Variants in DCC observed in about 807,000 individuals in gnomAD.
DCC encodes netrin receptor DCC.
DCC carries 58 observed loss-of-function variants against 172.5 expected under a neutral mutation model. The ratio of observed to expected loss-of-function variants is 0.34; its 90% CI spans 0.27 to 0.42. DCC has a LOEUF of 0.42. Among genes scored for constraint, DCC ranks in the 10% least tolerant of loss-of-function variants. The pLI, the probability that DCC is intolerant of heterozygous loss-of-function variation, is 1.00. For synonymous variants in DCC, 709 were observed against 644.5 expected, an observed-to-expected ratio of 1.10 and a Z score of -1.52; for missense variants, 1,740 against 1,791.0, an observed-to-expected ratio of 0.97 and a Z score of 0.51.
chr18:53,158,435 G>T (rs146748881), intron 8 of DCC, among the ~76,000 whole-genome samples: 1 of 152,120 alleles, frequency 6.6e-6, no homozygotes, highest in Non-Finnish European at 1.5e-5. Flanking sequence ...GGAGAAGCAG[G>T]GATTCATGTC....
chr18:53,397,139 G>A (rs558972997), intron 17 of DCC, among the ~76,000 whole-genome samples, 169 bp from the exon 18 acceptor site: 11 of 151,916 alleles, frequency 7.2e-5, no homozygotes, highest in Non-Finnish European at 1.0e-4. Context: ...ATCAGCCAGC[G>A]TGAACTGGTT....
intron 1 of DCC, among the ~76,000 whole-genome samples, chr18:52,443,812 A>G (rs1988041704): frequency 6.6e-6 from 1 of 152,188 alleles, no homozygotes; most frequent in South Asian, 2.1e-4. Context: ...AAATGGGTGA[A>G]GTCATCCCAT....
chr18:53,525,030 C>T (rs1414840050), intron 27 of DCC, among the ~76,000 whole-genome samples: 1 of 151,994 alleles, frequency 6.6e-6, no homozygotes, highest in Non-Finnish European at 1.5e-5. Flanking sequence ...CACCAACTCC[C>T]AGGCAACTTT....
chr18:52,678,856 C>G (rs1180748611), intron 1 of DCC, among the ~76,000 whole-genome samples: 1 of 152,080 alleles, frequency 6.6e-6, no homozygotes, highest in Non-Finnish European at 1.5e-5. Context: ...TCGCCCCATC[C>G]TTTTTGCCCA....
chr18:52,602,555 T>G (rs1012033605), intron 1 of DCC, among the ~76,000 whole-genome samples: 1 of 152,062 alleles, frequency 6.6e-6, no homozygotes. Flanking sequence ...TTAATAAATT[T>G]TGTGCATAAT....
At position 53,463,026 on chromosome 18, in the gene DCC, T is replaced by C. The variant is rs564658050; in HGVS notation, c.3619+3568T>C. On this transcript the variant is annotated intron_variant, in intron 24 of 28. Coordinates refer to ENST00000442544, the MANE Select transcript of DCC (RefSeq NM_005215.4). The stretch of plus-strand genomic sequence containing the variant: ...CAGCAAGCCCACTGCCTAAACAGGC[T>C]TTCGCCTGGGGAGTGACAGAAAACA... Among the ~76,000 whole-genome samples, 10 of 152,362 alleles carry C rather than the reference T, an allele frequency of 6.6e-5. No individual in the cohort carries two copies. In the East Asian group the frequency reaches 1.7e-3, roughly 26 times the overall value.
intron 1 of DCC, among the ~76,000 whole-genome samples, chr18:52,546,164 A>G (rs1355286471): frequency 6.6e-6 from 1 of 152,214 alleles, no homozygotes; most frequent in Non-Finnish European, 1.5e-5. Flanking sequence ...GCACACACAC[A>G]CACACAGAGG....
intron 6 of DCC, 89 bp downstream of exon 6, chr18:53,063,548 G>A (rs531494886): frequency 2.1e-5 from 22 of 1,064,362 alleles, no homozygotes; most frequent in Admixed American, 6.9e-5. Context: ...AAAAAAAAAG[G>A]TTCCTGTTGG....
intron 8 of DCC, among the ~76,000 whole-genome samples, chr18:53,177,650 G>T (rs1378966467): frequency 6.6e-6 from 1 of 152,138 alleles, no homozygotes; most frequent in African/African-American, 2.4e-5. Context: ...GACAACAGGT[G>T]GAAGAAGAGA....
intron 26 of DCC, among the ~76,000 whole-genome samples, chr18:53,498,437 G>A (rs1211187878): frequency 2.0e-5 from 3 of 151,678 alleles, no homozygotes; most frequent in Non-Finnish European, 4.4e-5. Context: ...AGCTCGTTTT[G>A]CTTGCAGTTT....
intron 1 of DCC, among the ~76,000 whole-genome samples, chr18:52,679,055 G>A (rs1483648736): frequency 6.6e-6 from 1 of 151,980 alleles, no homozygotes; most frequent in Non-Finnish European, 1.5e-5. Context: ...TGTAAGTAAA[G>A]TCAGTTGAAA....
intron 12 of DCC, among the ~76,000 whole-genome samples, chr18:53,218,162 C>T (rs1278072259): frequency 2.0e-5 from 3 of 151,996 alleles, no homozygotes; most frequent in Non-Finnish European, 4.4e-5. Context: ...GAATTTTTTA[C>T]GTAATTTATT....
intron 2 of DCC, among the ~76,000 whole-genome samples, chr18:52,790,176 G>A (rs1387414163): frequency 1.3e-5 from 2 of 152,144 alleles, no homozygotes; most frequent in Non-Finnish European, 2.9e-5. Flanking sequence ...TGCTCCCAAA[G>A]ACATGAAACA....
At chr18:52,598,145 A>G (rs1014969858) in intron 1 of DCC, among the ~76,000 whole-genome samples, 2 of 152,164 alleles carry the variant, frequency 1.3e-5, no homozygotes, top group African/African-American at 4.8e-5. Context: ...TTGCACTTAG[A>G]CTATTTATAT....
At chr18:52,802,992 C>T (rs955100141) in intron 2 of DCC, among the ~76,000 whole-genome samples, 5 of 151,998 alleles carry the variant, frequency 3.3e-5, no homozygotes, top group Non-Finnish European at 5.9e-5. Flanking sequence ...TATTAAAGTA[C>T]TGATTAATAC....
chr18:53,486,726 A>G, intron 25 of DCC, 71 bp from the exon 26 acceptor site: 3 of 1,606,072 alleles, frequency 1.9e-6, no homozygotes, highest in Non-Finnish European at 2.6e-6. Context: ...TGAAAATTCC[A>G]CCGTTTTCTT....
intron 1 of DCC, among the ~76,000 whole-genome samples, chr18:52,477,956 C>T (rs977450848): frequency 6.6e-6 from 1 of 151,988 alleles, no homozygotes; most frequent in Non-Finnish European, 1.5e-5. Context: ...ATTGCATGCA[C>T]ACACCACCAT....
chr18:52,701,666 A>G (rs1001845291), intron 1 of DCC, among the ~76,000 whole-genome samples: 8 of 151,978 alleles, frequency 5.3e-5, no homozygotes, highest in African/African-American at 1.9e-4. Context: ...TCATGCTTCT[A>G]TTCCTTATCT....
intron 1 of DCC, among the ~76,000 whole-genome samples, chr18:52,522,312 A>C (rs1144063): frequency 0.26 from 38,782 of 151,964 alleles, 5,210 homozygotes; most frequent in African/African-American, 0.34. Context: ...CATGGAAATT[A>C]TGGACATTCC....
Sources: allele counts gnomAD v4.1 joint callset (sites outside exome capture counted in the v4.1 genomes callset), GRCh38; gene constraint gnomAD v4.1.1; transcripts MANE v1.5; gene names NCBI Gene and HGNC (gene_info 2026-07-23, HGNC 2026-07-21).